The following RIN3 variants were observed in gnomAD, a reference collection of about 807,000 sequenced individuals.
RIN3 encodes the protein RAB5 interacting protein 3.
RIN3 carries 54 observed loss-of-function variants against 76.3 expected under a neutral mutation model. The observed-to-expected ratio is 0.71, with a 90% CI of 0.57 to 0.89. The LOEUF is 0.89. Among genes scored for constraint, RIN3 ranks in the 40% least tolerant of loss-of-function variants. The pLI is 0.00. For synonymous variants in RIN3, 576 were observed against 564.0 expected (o/e 1.02, Z -0.30); for missense variants, 1,256 against 1,322.1 (o/e 0.95, Z 0.78).
At position 92,569,863 on chromosome 14, in the gene RIN3, C is replaced by T. The variant is rs576748230; in HGVS notation, c.250-7497C>T. The stretch of plus-strand genomic sequence containing the variant: ...TATATGTTGTACTGTGGCCCTGACC[C>T]GCGTAGACCTGCACCCTCCAACAAG... On this transcript the variant is annotated intron_variant, in intron 2 of 9. Transcript: ENST00000216487. 1.2e-4 allele frequency among the ~76,000 whole-genome samples: 19 copies of T among 152,270 alleles called. No individual in the cohort carries two copies. In the East Asian group the frequency reaches 1.9e-3, roughly 15 times the overall value.
intron 1 of RIN3, among the ~76,000 whole-genome samples, chr14:92,518,379 C>G (rs1896501933): frequency 6.6e-6 from 1 of 152,118 alleles, no homozygotes; most frequent in African/African-American, 2.4e-5. Context: ...TCCCTGGAGC[C>G]CCTGAATTTC....
intron 3 of RIN3, among the ~76,000 whole-genome samples, chr14:92,590,042 C>T (rs1235273389): frequency 6.6e-6 from 1 of 152,116 alleles, no homozygotes; most frequent in Non-Finnish European, 1.5e-5. Context: ...CTAGGGAAAC[C>T]CAATGTGTAA....
Position 92,519,755 on chromosome 14 carries a change from C to T in RIN3, c.44+5779C>T, listed in dbSNP as rs78668060. 8.6e-3 allele frequency among the ~76,000 whole-genome samples: 1,305 copies of T among 152,298 alleles called. 22 individuals carry two copies. Among genetic ancestry groups the T allele is most frequent in the African/African-American group, 0.029 (1,217 of 41,542 alleles). The stretch of plus-strand genomic sequence containing the variant: ...GTGACGCTGTGTGCCTCCCTCCCCA[C>T]GCACAGTGTAGTACAGCGAAGCCAG... On this transcript the variant is annotated intron_variant, in intron 1 of 9. Transcript: ENST00000216487.
chr14:92,633,879 GTT>G (rs59708392), intron 4 of RIN3, among the ~76,000 whole-genome samples: 2 of 142,300 alleles, frequency 1.4e-5, no homozygotes, highest in African/African-American at 5.1e-5. Context: ...GTGTGTGTGT[GTT>G]TGTATGTGTG....
chr14:92,588,984 G>T (rs749144671), intron 3 of RIN3, among the ~76,000 whole-genome samples: 7 of 152,116 alleles, frequency 4.6e-5, no homozygotes, highest in African/African-American at 1.4e-4. Flanking sequence ...GCAGAGGAGC[G>T]GGAACCTGTT....
intron 2 of RIN3, among the ~76,000 whole-genome samples, chr14:92,567,624 A>ACT (rs1897949782): frequency 1.5e-5 from 2 of 133,636 alleles, no homozygotes; most frequent in African/African-American, 5.6e-5. Context: ...CTTCTGCTGC[A>ACT]TTTTTTTTTT....
intron 6 of RIN3, among the ~76,000 whole-genome samples, chr14:92,657,666 T>C (rs779610623): frequency 2.2e-5 from 3 of 137,802 alleles, no homozygotes; most frequent in Non-Finnish European, 5.0e-5. Flanking sequence ...AAGTCCCTGC[T>C]CCCAGGTCAA....
chr14:92,679,249 C>T (rs1888582117), intron 8 of RIN3, among the ~76,000 whole-genome samples: 1 of 152,214 alleles, frequency 6.6e-6, no homozygotes, highest in African/African-American at 2.4e-5. Context: ...CCTCTGGCCC[C>T]ATAGAGAGGG....
At chr14:92,625,027 G>C (rs1396251704) in intron 4 of RIN3, among the ~76,000 whole-genome samples, 7 of 152,228 alleles carry the variant, frequency 4.6e-5, no homozygotes, top group Non-Finnish European at 2.9e-5. Flanking sequence ...AAACTCAAGA[G>C]GCAGCGTTTG....
At chr14:92,580,679 C>T (rs1267437633) in intron 3 of RIN3, among the ~76,000 whole-genome samples, 6 of 152,256 alleles carry the variant, frequency 3.9e-5, no homozygotes, top group Non-Finnish European at 8.8e-5. Flanking sequence ...GAAGAAGAGG[C>T]TCTGCCACCT....
At chr14:92,575,135 G>A (rs1200518856) in intron 2 of RIN3, among the ~76,000 whole-genome samples, 1 of 152,128 alleles carries the variant, frequency 6.6e-6, no homozygotes, top group Non-Finnish European at 1.5e-5. Flanking sequence ...TATGGTTATA[G>A]TATTTTATTA....
At chr14:92,538,348 G>A (rs1897057090) in intron 1 of RIN3, among the ~76,000 whole-genome samples, 1 of 152,144 alleles carries the variant, frequency 6.6e-6, no homozygotes, top group Non-Finnish European at 1.5e-5. Context: ...TTCTTTATAG[G>A]TAAAAAATGG....
intron 3 of RIN3, among the ~76,000 whole-genome samples, chr14:92,595,966 A>G (rs930831842): frequency 3.3e-5 from 5 of 152,198 alleles, no homozygotes; most frequent in Non-Finnish European, 4.4e-5. Context: ...GGAAAGTTCT[A>G]TAGAAATAAA....
At chr14:92,518,414 G>C (rs1054940639) in intron 1 of RIN3, among the ~76,000 whole-genome samples, 2 of 152,188 alleles carry the variant, frequency 1.3e-5, no homozygotes, top group Non-Finnish European at 2.9e-5. Flanking sequence ...AGGTGGCCTA[G>C]ATCACAGGGC....
chr14:92,647,589 GA>G (rs1362109514), intron 5 of RIN3, among the ~76,000 whole-genome samples: 4 of 152,158 alleles, frequency 2.6e-5, no homozygotes, highest in Admixed American at 2.6e-4. Flanking sequence ...ATAATTCATT[GA>G]AAACTTGACT....
rs1888925626 is a variant in RIN3, at chr14:92,687,920, C to G, written c.2632-6C>G. The G allele has an allele frequency of 6.5e-7, 1 of 1,539,158 alleles. No individual in the cohort carries two copies. Among genetic ancestry groups the G allele is most frequent in the East Asian group, 2.5e-5 (1 of 40,512 alleles). Reference sequence around the variant, plus strand: ...CCGTGACCACAGGCCCCTCGCGTCTCCGCAGGACTTCATCTGCGTGTCGTA... The same window carrying G: ...CCGTGACCACAGGCCCCTCGCGTCTGCGCAGGACTTCATCTGCGTGTCGTA... On this transcript the variant is annotated splice_region_variant and splice_polypyrimidine_tract_variant and intron_variant, in intron 9 of 9. Coordinates refer to ENST00000216487, the MANE Select transcript of RIN3 (RefSeq NM_024832.5).
At position 92,526,857 on chromosome 14, in the gene RIN3, T is replaced by C. The variant is rs576863470; in HGVS notation, c.44+12881T>C. Reference sequence around the variant, plus strand: ...AATATAAATGTATTCTCTCAAAGCCTTGGAGGCCAGAAGTCTGAAATCAAG... The same window carrying C: ...AATATAAATGTATTCTCTCAAAGCCCTGGAGGCCAGAAGTCTGAAATCAAG... On this transcript the variant is annotated intron_variant, in intron 1 of 9. Transcript: ENST00000216487. Among the ~76,000 whole-genome samples the C allele has an allele frequency of 1.2e-4, 18 of 152,176 alleles. 1 individual carries two copies. In the South Asian group the frequency reaches 2.9e-3, roughly 25 times the overall value.
intron 8 of RIN3, among the ~76,000 whole-genome samples, chr14:92,678,618 C>T (rs1392068358): frequency 6.6e-6 from 1 of 151,774 alleles, no homozygotes; most frequent in African/African-American, 2.4e-5. Flanking sequence ...TACCCATCCA[C>T]CCACCTACGC....
At position 92,676,494 on chromosome 14, in the gene RIN3, T is replaced by C. The variant is rs1486297850; in HGVS notation, c.2355T>C (p.Asp785=). Reference sequence around the variant, plus strand: ...TCCCAGGGAAGCCCTATGGGGCGGATGACTTCCTGCCTGTGCTCATGTATG... The same window carrying C: ...TCCCAGGGAAGCCCTATGGGGCGGACGACTTCCTGCCTGTGCTCATGTATG... ...LGNPGKPYGA[D]DFLPVLMYVL... is the part of the protein sequence containing the mutation. The change falls in exon 8 of 10, where the codon GAT becomes GAC. Residue 785 remains aspartate (D), a synonymous_variant. Transcript: ENST00000216487. 1 of 1,613,982 alleles carries C rather than the reference T, an allele frequency of 6.2e-7. No individual in the cohort carries two copies.
Sources: gnomAD v4.1 joint callset for allele counts (sites outside exome capture counted in the v4.1 genomes callset) on GRCh38, gnomAD v4.1.1 for gene constraint, MANE v1.5 for transcripts, NCBI Gene and HGNC (gene_info 2026-07-23, HGNC 2026-07-21) for gene names.